The following STARD13 variants were observed in gnomAD, a reference collection of about 807,000 sequenced individuals.
STARD13 encodes stAR-related lipid transfer protein 13.
STARD13 carries 62 observed loss-of-function variants against 106.4 expected under a neutral mutation model. That is an observed-to-expected ratio of 0.58 (90% CI 0.48 to 0.72). The LOEUF (loss-of-function observed/expected upper bound fraction) is 0.72. Among genes scored for constraint, STARD13 ranks in the 30% least tolerant of loss-of-function variants. The pLI is 0.00. For missense variants in STARD13, 1,387 were observed against 1,424.0 expected (o/e 0.97, Z 0.42); for synonymous variants, 565 against 553.0 (o/e 1.02, Z -0.31).
chr13:33,602,524 A>G, the STARD13 span, among the ~76,000 whole-genome samples: 1 of 152,240 alleles, frequency 6.6e-6, no homozygotes, highest in Non-Finnish European at 1.5e-5. Context: ...GGTGGGGGGC[A>G]GTTTATTAAC....
At chr13:33,305,317 C>T (rs920708544) in intron 1 of STARD13, among the ~76,000 whole-genome samples, 6 of 152,182 alleles carry the variant, frequency 3.9e-5, no homozygotes, top group African/African-American at 1.4e-4. Context: ...GATAAAGATC[C>T]AGAATGAGTT....
At chr13:33,167,278 G>A (rs972729438) in intron 2 of STARD13, among the ~76,000 whole-genome samples, 36 of 152,304 alleles carry the variant, frequency 2.4e-4, no homozygotes, top group African/African-American at 8.4e-4. Flanking sequence ...GCTGATGGCA[G>A]AATGCTGGAA....
chr13:33,187,845 G>A (rs1885913905), intron 1 of STARD13, among the ~76,000 whole-genome samples: 1 of 152,072 alleles, frequency 6.6e-6, no homozygotes, highest in African/African-American at 2.4e-5. Context: ...ACCACACCCA[G>A]CTAATTTTTG....
chr13:33,156,432 C>T (rs1347745697), intron 3 of STARD13, among the ~76,000 whole-genome samples: 3 of 152,162 alleles, frequency 2.0e-5, no homozygotes, highest in African/African-American at 7.2e-5. Flanking sequence ...AATGGCTCCA[C>T]TGGCAACACT....
At chr13:33,308,305 T>C (rs1300505748) in intron 1 of STARD13, among the ~76,000 whole-genome samples, 1 of 152,134 alleles carries the variant, frequency 6.6e-6, no homozygotes, top group Non-Finnish European at 1.5e-5. Context: ...ATGGCGAAAA[T>C]AGAGCTGAAG....
intron 1 of STARD13, among the ~76,000 whole-genome samples, chr13:33,184,481 G>C (rs1456705789): frequency 6.6e-6 from 1 of 152,220 alleles, no homozygotes; most frequent in African/African-American, 2.4e-5. Context: ...AGGGGAAAGA[G>C]ACAGTAAGTT....
intron 3 of STARD13, among the ~76,000 whole-genome samples, chr13:33,151,470 A>T (rs1316138591): frequency 2.6e-5 from 4 of 152,136 alleles, no homozygotes. Flanking sequence ...ACTGAGGGAG[A>T]ATTCAACATC....
chr13:33,165,528 G>A (rs1883218735), intron 2 of STARD13, 110 bp from the exon 3 acceptor site: 2 of 776,360 alleles, frequency 2.6e-6, no homozygotes, highest in Non-Finnish European at 4.3e-6. Flanking sequence ...AGCAGTGACT[G>A]CCCATCATCA....
At chr13:33,167,524 T>A in intron 2 of STARD13, 27 bp downstream of exon 2, 1 of 1,612,156 alleles carries the variant, frequency 6.2e-7, no homozygotes, top group East Asian at 2.2e-5. Flanking sequence ...ATTCTCTGTG[T>A]AAGAGCGAAG....
chr13:33,249,701 A>G (rs565398770), intron 1 of STARD13, among the ~76,000 whole-genome samples: 3 of 152,306 alleles, frequency 2.0e-5, no homozygotes, highest in East Asian at 3.9e-4. Flanking sequence ...GTTTAATTCC[A>G]ATGACAGTAT....
At position 33,263,808 on chromosome 13, in the gene STARD13, G is replaced by A. The variant is rs1306684811; in HGVS notation, c.169+21662C>T. Among the ~76,000 whole-genome samples the A allele has an allele frequency of 2.9e-4, 44 of 152,102 alleles. 1 individual carries two copies. Among genetic ancestry groups the A allele is most frequent in the Admixed American group, 2.8e-3 (43 of 15,276 alleles). On this transcript the variant is annotated intron_variant, in intron 1 of 13. Transcript: ENST00000336934. ...AGCCACATGCCAGAAAAAATGACAG[G>A]AACCCAGCATTACTGAATGTGTCAA...
chr13:33,297,497 G>C (rs907663376), intron 1 of STARD13, among the ~76,000 whole-genome samples: 2 of 151,974 alleles, frequency 1.3e-5, no homozygotes, highest in Admixed American at 6.5e-5. Flanking sequence ...GCTTGCTTTG[G>C]AAAATCCAGT....
the STARD13 span, among the ~76,000 whole-genome samples, chr13:33,422,829 A>G: frequency 6.6e-5 from 10 of 152,228 alleles, no homozygotes; most frequent in Admixed American, 5.2e-4. Context: ...AACCTGACAA[A>G]AACAAGAAAT....
upstream of STARD13, among the ~76,000 whole-genome samples, chr13:33,290,275 G>T (rs534373571): frequency 6.6e-6 from 1 of 152,258 alleles, no homozygotes; most frequent in African/African-American, 2.4e-5. Flanking sequence ...GATACAAGTG[G>T]CAGGCAGAAA....
At position 33,158,233 on chromosome 13, in the gene STARD13, C is replaced by T. The variant is rs1373500975; in HGVS notation, c.323+7104G>A. On this transcript the variant is annotated intron_variant, in intron 3 of 13. Coordinates refer to ENST00000336934, the MANE Select transcript of STARD13 (RefSeq NM_178006.4). ...AGAGCAAGAGAAAGCTACACATTTACATATTCAGAGCCTCAGAGCCAGGCC... is the reference window on the plus strand; with the variant it reads ...AGAGCAAGAGAAAGCTACACATTTATATATTCAGAGCCTCAGAGCCAGGCC... Among the ~76,000 whole-genome samples the T allele has an allele frequency of 1.3e-5, 2 of 152,110 alleles. 1 individual carries two copies. The highest frequency in any genetic ancestry group is 2.9e-5 in the Non-Finnish European group (2 of 68,028).
the STARD13 span, among the ~76,000 whole-genome samples, chr13:33,503,178 T>TA: frequency 6.6e-6 from 1 of 152,222 alleles, no homozygotes; most frequent in South Asian, 2.1e-4. Context: ...TAGAGGTGTT[T>TA]ATAGTATTCT....
intron 1 of STARD13, among the ~76,000 whole-genome samples, chr13:33,183,731 G>A (rs1050278708): frequency 1.1e-4 from 17 of 152,042 alleles, no homozygotes; most frequent in African/African-American, 2.7e-4. Context: ...GGGCAGTTCC[G>A]GTGATGAACA....
the STARD13 span, among the ~76,000 whole-genome samples, chr13:33,530,912 C>T: frequency 6.6e-6 from 1 of 152,090 alleles, no homozygotes; most frequent in African/African-American, 2.4e-5. Flanking sequence ...CATCCTTTCA[C>T]TTTATTTATT....
intron 7 of STARD13, among the ~76,000 whole-genome samples, chr13:33,121,807 GTAGC>G (rs1385638179): frequency 1.3e-5 from 2 of 150,398 alleles, no homozygotes; most frequent in African/African-American, 4.9e-5. Flanking sequence ...AGCCTCCCAA[GTAGC>G]TAGGATTACA....
Sources: gnomAD v4.1 joint callset for allele counts (sites outside exome capture counted in the v4.1 genomes callset) on GRCh38, gnomAD v4.1.1 for gene constraint, MANE v1.5 for transcripts, NCBI Gene and HGNC (gene_info 2026-07-23, HGNC 2026-07-21) for gene names.